TARS1: variants seen among roughly 807,000 people sequenced by gnomAD.
TARS1 encodes the protein threonyl-tRNA synthetase 1, also known as threonine--tRNA ligase 1, cytoplasmic.
In TARS1, 57 loss-of-function variants were observed where a neutral mutation model predicts 97.7. The ratio of observed to expected loss-of-function variants is 0.58; its 90% CI spans 0.47 to 0.73. The LOEUF is 0.73. TARS1 is among the 30% of genes least tolerant of loss of function. TARS1 has a pLI of 0.00. For synonymous variants in TARS1, 312 were observed against 293.7 expected, an observed-to-expected ratio of 1.06 and a Z score of -0.64; for missense variants, 806 against 888.3, an observed-to-expected ratio of 0.91 and a Z score of 1.18.
intron 14 of TARS1, 45 bp from the exon 15 acceptor site, chr5:33,461,861 T>G: frequency 6.3e-7 from 1 of 1,597,062 alleles, no homozygotes; most frequent in South Asian, 1.1e-5. Context: ...GAGCTCCACT[T>G]TAGTATCACT....
chr5:33,443,109 G>A (rs1307313989), intron 1 of TARS1, among the ~76,000 whole-genome samples: 1 of 152,130 alleles, frequency 6.6e-6, no homozygotes, highest in Non-Finnish European at 1.5e-5. Context: ...TATACTCAGG[G>A]AAATAGAGAA....
intron 17 of TARS1, 45 bp downstream of exon 17, chr5:33,463,870 T>C (rs1356054630): frequency 1.3e-6 from 2 of 1,532,624 alleles, no homozygotes; most frequent in Non-Finnish European, 1.8e-6. Context: ...CATCTGTTGT[T>C]CAGCTTTTCA....
chr5:33,443,326 T>C (rs1440992195), intron 1 of TARS1, among the ~76,000 whole-genome samples: 2 of 94,574 alleles, frequency 2.1e-5, no homozygotes, highest in Non-Finnish European at 2.1e-5. Context: ...TCTCCCTCTC[T>C]CTCTCTCTCT....
At position 33,448,543 on chromosome 5, in the gene TARS1, G is replaced by A. The variant is rs777696876; in HGVS notation, c.141G>A (p.Leu47=). Residue 47 remains leucine (L), a splice_region_variant and synonymous_variant, in exon 3 of 19, where the codon TTG becomes TTA. Transcript: ENST00000265112. ...EGSGDGGRAE[L]NPWPEYIYTR... ...CTGATTTGTTTGTTGTCTTGCAGTT[G>A]AATCCTTGGCCTGAATATATTTACA... is the stretch of plus-strand genomic sequence containing the variant. 6.4e-7 allele frequency: 1 copy of A among 1,568,626 alleles called. No homozygotes were observed. The highest frequency in any genetic ancestry group is 2.3e-5 in the East Asian group (1 of 42,972).
At chr5:33,441,447 C>T in intron 1 of TARS1, 2 of 333,518 alleles carry the variant, frequency 6.0e-6, no homozygotes, top group Non-Finnish European at 1.1e-5. Context: ...GAGACAGAAT[C>T]AGAATCTTAG....
chr5:33,466,809 T>C (rs1742547606), intron 17 of TARS1, 62 bp from the exon 18 acceptor site: 2 of 1,197,176 alleles, frequency 1.7e-6, no homozygotes, highest in Admixed American at 2.2e-5. Context: ...AGTAAAATCA[T>C]GTGAGATCAA....
chr5:33,458,932 C>T (rs1003651447), intron 10 of TARS1, among the ~76,000 whole-genome samples: 1 of 151,868 alleles, frequency 6.6e-6, no homozygotes, highest in African/African-American at 2.4e-5. Flanking sequence ...TTTGTATTTT[C>T]TTTGAAAAAA....
chr5:33,448,705 A>G lies in TARS1; in HGVS notation c.303A>G (p.Thr101=). ...TTGATGCGGAATCTTGGAAAACTACACCATATCAAATTGCCTGTGGAATTA... is the reference window on the plus strand; with the variant it reads ...TTGATGCGGAATCTTGGAAAACTACGCCATATCAAATTGCCTGTGGAATTA... ...KQVDAESWKT[T]PYQIACGISQ... Residue 101 remains threonine (T), a synonymous_variant, in exon 3 of 19, where the codon ACA becomes ACG. Transcript: ENST00000265112. 1 of 1,613,552 alleles carries G rather than the reference A, an allele frequency of 6.2e-7. No individual in the cohort carries two copies.
chr5:33,459,623 T>C, intron 10 of TARS1, 72 bp from the exon 11 acceptor site: 1 of 1,553,860 alleles, frequency 6.4e-7, no homozygotes, highest in Non-Finnish European at 8.8e-7. Context: ...AAAATCACTC[T>C]TTAAGTTTTT....
chr5:33,455,073 C>T lies in TARS1; in HGVS notation c.575+7C>T. The T allele has an allele frequency of 6.2e-7, 1 of 1,612,920 alleles. No individual in the cohort carries two copies. The highest frequency in any genetic ancestry group is 8.5e-7 in the Non-Finnish European group (1 of 1,179,468). ...ACATGTACCTCGAAGAAGGGTAAGC[C>T]ATCAACTAGATAAAGAAAACTGAAG... On this transcript the variant is annotated splice_region_variant and intron_variant, in intron 5 of 18. Coordinates refer to ENST00000265112, the MANE Select transcript of TARS1 (RefSeq NM_152295.5).
At chr5:33,448,854 T>A (rs77025977) in intron 3 of TARS1, 123 bp downstream of exon 3, 1 of 780,434 alleles carries the variant, frequency 1.3e-6, no homozygotes, top group Non-Finnish European at 1.8e-6. Context: ...TTAATCTGTT[T>A]AATTTTGCCT....
At chr5:33,467,499 C>T (rs1460574490) in intron 18 of TARS1, 61 bp from the exon 19 acceptor site, 2 of 1,558,720 alleles carry the variant, frequency 1.3e-6, no homozygotes, top group South Asian at 1.2e-5. Context: ...TTCAGATGTT[C>T]AGTGTGAATT....
intron 1 of TARS1, among the ~76,000 whole-genome samples, chr5:33,442,319 A>AC (rs1741145447): frequency 8.0e-6 from 1 of 124,768 alleles, no homozygotes; most frequent in African/African-American, 3.0e-5. Flanking sequence ...CTGTTTTGTA[A>AC]CTTTTTTTTT....
At position 33,457,271 on chromosome 5, in the gene TARS1, C is replaced by T. The variant is rs142624640; in HGVS notation, c.852C>T (p.Tyr284=). The T allele has an allele frequency of 6.2e-7, 1 of 1,613,160 alleles. No individual in the cohort carries two copies. Among genetic ancestry groups the T allele is most frequent in the African/African-American group, 1.3e-5 (1 of 74,852 alleles). ...CTTGTTTTCAGAATTCCTCCACGTA[C>T]TGGGAAGGCAAAGCAGATATGGAGA... ...ALKIHKNSST[Y]WEGKADMETL... Residue 284 remains tyrosine, a synonymous_variant, in exon 9 of 19, where the codon TAC becomes TAT. Coordinates refer to ENST00000265112, the MANE Select transcript of TARS1 (RefSeq NM_152295.5).
rs529417140 is a variant in TARS1, at chr5:33,442,233, C to T, written c.57+1090C>T. ...TGGAGAAACTGCATACGGGCACATT[C>T]TAACTATGTAAATTTAATTCTAGAT... On this transcript the variant is annotated intron_variant, in intron 1 of 18. Transcript: ENST00000265112. Among the ~76,000 whole-genome samples, 9 of 150,004 alleles carry T rather than the reference C, an allele frequency of 6.0e-5. No individual in the cohort carries two copies. The South Asian group carries it at 8.5e-4, about 14-fold the overall frequency.
At chr5:33,442,231 T>G (rs1342044351) in intron 1 of TARS1, among the ~76,000 whole-genome samples, 1 of 152,120 alleles carries the variant, frequency 6.6e-6, no homozygotes, top group Non-Finnish European at 1.5e-5. Context: ...TACGGGCACA[T>G]TCTAACTATG....
intron 1 of TARS1, among the ~76,000 whole-genome samples, chr5:33,443,314 T>TCTCC (rs1741217627): frequency 1.6e-5 from 2 of 125,356 alleles, no homozygotes; most frequent in African/African-American, 6.7e-5. Flanking sequence ...TCCCTCTCTC[T>TCTCC]CTCTCCCTCT....
chr5:33,457,432 A>G (rs1256515160), intron 9 of TARS1, 29 bp downstream of exon 9: 4 of 1,588,678 alleles, frequency 2.5e-6, no homozygotes, highest in Non-Finnish European at 3.4e-6. Flanking sequence ...ATGTGTCTTG[A>G]CTGAGTTTTC....
intron 1 of TARS1, 97 bp downstream of exon 1, chr5:33,441,240 G>T: frequency 6.8e-7 from 1 of 1,478,564 alleles, no homozygotes; most frequent in Non-Finnish European, 9.4e-7. Flanking sequence ...AGCAGGAAGC[G>T]GCCGGGACCG....
Sources: gnomAD v4.1 joint callset for allele counts (sites outside exome capture counted in the v4.1 genomes callset) on GRCh38, gnomAD v4.1.1 for gene constraint, MANE v1.5 for transcripts, NCBI Gene and HGNC (gene_info 2026-07-23, HGNC 2026-07-21) for gene names.